XCR1: variants seen among roughly 807,000 people sequenced by gnomAD.
XCR1 encodes X-C motif chemokine receptor 1.
For synonymous variants in XCR1, 187 were observed against 188.5 expected (o/e 0.99, Z 0.06); for missense variants, 356 against 424.2 (o/e 0.84, Z 1.41).
At chr3:46,035,993 A>G (rs933239582) in intron 5 of XCR1, among the ~76,000 whole-genome samples, 3 of 152,072 alleles carry the variant, frequency 2.0e-5, no homozygotes, top group Non-Finnish European at 1.5e-5. Context: ...GGCTGTTTCA[A>G]TTTGGACACT....
chr3:46,076,965 A>G (rs1158527534), intron 1 of XCR1, among the ~76,000 whole-genome samples: 1 of 152,126 alleles, frequency 6.6e-6, no homozygotes, highest in Non-Finnish European at 1.5e-5. Flanking sequence ...AGGAATACAA[A>G]CCCCTTTAAT....
intron 1 of XCR1, among the ~76,000 whole-genome samples, chr3:46,079,528 C>T (rs564017051): frequency 6.6e-6 from 1 of 152,168 alleles, no homozygotes; most frequent in African/African-American, 2.4e-5. Context: ...CTCATCCTAC[C>T]CCTGCACCTT....
chr3:46,078,006 A>G (rs1698291565), intron 1 of XCR1, among the ~76,000 whole-genome samples: 1 of 152,184 alleles, frequency 6.6e-6, no homozygotes, highest in South Asian at 2.1e-4. Flanking sequence ...TGATGGCATC[A>G]TTTGTACCCC....
chr3:46,023,514 G>T, intron 1 of XCR1: 1 of 1,570,072 alleles, frequency 6.4e-7, no homozygotes, highest in Non-Finnish European at 8.7e-7. Context: ...TCATCCAAGA[G>T]AGATGGAAAA....
At position 46,021,322 on chromosome 3, in the gene XCR1, AG is replaced by A; in HGVS notation, c.625del (p.Leu209SerfsTer57). 1 of 1,614,158 alleles carries A rather than the reference AG, an allele frequency of 6.2e-7. No homozygotes were observed. Among genetic ancestry groups the A allele is most frequent in the Non-Finnish European group, 8.5e-7 (1 of 1,180,020 alleles). On this transcript the variant is annotated frameshift_variant, in exon 2 of 2. Transcript: ENST00000309285. LOFTEE classifies it low-confidence loss of function (END_TRUNC). The surrounding 1 kb of genome is among the most constrained non-coding windows in gnomAD (Gnocchi z 4.7). The part of the protein sequence containing the change: ...GIILFCYVEI[L>X]RTLFRSRSKR... ...GGAGCGTGAGCGGAACAGGGTCCTG[AG>A]GATCTCCACGTAGCAGAACAGGATA...
intron 4 of XCR1, among the ~76,000 whole-genome samples, chr3:46,065,666 C>T (rs1698056213): frequency 6.6e-6 from 1 of 152,178 alleles, no homozygotes; most frequent in Admixed American, 6.5e-5. Flanking sequence ...CCGGGCTACA[C>T]CAAGCTCCAC....
intron 4 of XCR1, among the ~76,000 whole-genome samples, chr3:46,060,725 T>A (rs1251992722): frequency 1.3e-5 from 2 of 152,208 alleles, no homozygotes; most frequent in South Asian, 4.1e-4. Flanking sequence ...TCCTGATTCC[T>A]GGACCGGTGA....
chr3:46,031,693 C>T (rs924693445), upstream of XCR1, among the ~76,000 whole-genome samples: 1 of 152,228 alleles, frequency 6.6e-6, no homozygotes, highest in African/African-American at 2.4e-5. Context: ...CTGACAGTCC[C>T]ACGAACCACA....
At chr3:46,072,613 A>G (rs1257836122) in intron 3 of XCR1, among the ~76,000 whole-genome samples, 1 of 152,234 alleles carries the variant, frequency 6.6e-6, no homozygotes, top group African/African-American at 2.4e-5. Context: ...GAAAGAAATT[A>G]TAGATGACCC....
chr3:46,065,672 T>G (rs1381505010), intron 4 of XCR1, among the ~76,000 whole-genome samples: 1 of 152,138 alleles, frequency 6.6e-6, no homozygotes, highest in Non-Finnish European at 1.5e-5. Flanking sequence ...TACACCAAGC[T>G]CCACTGCTGC....
chr3:46,063,930 T>G (rs1237427322), intron 4 of XCR1, among the ~76,000 whole-genome samples: 5 of 152,082 alleles, frequency 3.3e-5, no homozygotes, highest in African/African-American at 1.2e-4. Flanking sequence ...AGTGCAGAGG[T>G]GCAATTATGG....
At chr3:46,027,669 A>T (rs528481008), upstream of XCR1, 3 of 152,324 alleles carry the variant, frequency 2.0e-5, no homozygotes, top group African/African-American at 7.2e-5. Context: ...CTGAAAATCA[A>T]GCTGCAAGCC....
At chr3:46,037,809 C>G (rs1697461587) in intron 5 of XCR1, among the ~76,000 whole-genome samples, 1 of 152,104 alleles carries the variant, frequency 6.6e-6, no homozygotes, top group East Asian at 1.9e-4. Context: ...AACTGTGAAG[C>G]CAGATTTAGC....
rs539054080 is a variant in XCR1 at position 46,023,256 on chromosome 3, C to T, written c.-31-1278G>A. On this transcript the variant is annotated intron_variant, in intron 1 of 1. Transcript: ENST00000309285. ...CTCCCCTGCGATCCCCTCCATGTTC[C>T]CTGGCCCCACCGCTCCCCTTCCTAA... is the stretch of plus-strand genomic sequence containing the variant. 46 of 654,846 alleles carry T rather than the reference C, an allele frequency of 7.0e-5. 2 individuals carry two copies. The Middle Eastern group carries it at 1.5e-3, about 21-fold the overall frequency. 40.6% of individuals were successfully genotyped at this position (654,846 alleles called of 1,614,324 possible).
At chr3:46,026,358 C>T (rs889987102) in intron 1 of XCR1, among the ~76,000 whole-genome samples, 2 of 152,112 alleles carry the variant, frequency 1.3e-5, no homozygotes, top group African/African-American at 4.8e-5. Flanking sequence ...CCCTCCCCAT[C>T]TCTGTGGCCC....
intron 4 of XCR1, among the ~76,000 whole-genome samples, chr3:46,065,232 T>G (rs1698045025): frequency 6.6e-6 from 1 of 152,232 alleles, no homozygotes; most frequent in East Asian, 1.9e-4. Context: ...CTTTGTTATG[T>G]AGCAATAGTC....
intron 4 of XCR1, among the ~76,000 whole-genome samples, chr3:46,059,275 T>C (rs1331180678): frequency 1.3e-5 from 2 of 152,210 alleles, no homozygotes; most frequent in African/African-American, 2.4e-5. Context: ...TTGCTTATAG[T>C]TGGTTGTGCA....
In XCR1 at chr3:46,077,091, G is replaced by A. The variant is rs553496915; in HGVS notation, c.-514-165C>T. On this transcript the variant is annotated intron_variant, in intron 1 of 5. Coordinates refer to the XCR1 transcript ENST00000683768. ...TGGGCTCTGGACTAACTGATGCCAC[G>A]TAGCTATAAAATGCCATATACCATA... Among the ~76,000 whole-genome samples, 69 of 152,218 alleles carry A rather than the reference G, an allele frequency of 4.5e-4. No individual in the cohort carries two copies. In the Middle Eastern group the frequency reaches 0.014, roughly 30 times the overall value.
Position 46,020,718 on chromosome 3 carries a change from T to C in XCR1, c.*228A>G. 1.7e-6 allele frequency: 1 copy of C among 583,892 alleles called. No homozygotes were observed. The allele number at this position is 583,892 out of a possible 1,614,324, so 36.2% of individuals were successfully genotyped here. On this transcript the variant is annotated 3_prime_UTR_variant, in exon 2 of 2. Coordinates refer to ENST00000309285, the MANE Select transcript of XCR1 (RefSeq NM_001024644.2). ...CAAGATGAACTCAGAGTTCAAGAAATGTTTTTTTGGATGGCAGTATAAAAT... is the reference window on the plus strand; with the variant it reads ...CAAGATGAACTCAGAGTTCAAGAAACGTTTTTTTGGATGGCAGTATAAAAT...
Sources: allele counts gnomAD v4.1 joint callset (sites outside exome capture counted in the v4.1 genomes callset), GRCh38; gene constraint gnomAD v4.1.1; non-coding constraint Gnocchi (gnomAD v3.1); transcripts MANE v1.5; gene names NCBI Gene and HGNC (gene_info 2026-07-23, HGNC 2026-07-21).